Variants in FAM184A observed in about 807,000 individuals in gnomAD.
FAM184A encodes the protein protein FAM184A.
In FAM184A, 99 loss-of-function variants were observed where a neutral mutation model predicts 143.8. The observed-to-expected ratio is 0.69, with a 90% confidence interval of 0.58 to 0.81. The LOEUF (loss-of-function observed/expected upper bound fraction) is 0.81, where lower values mean the gene tolerates loss of function less well. Ranked by LOEUF, FAM184A falls within the 40% of genes least tolerant of loss-of-function variation. FAM184A has a pLI of 0.00. For synonymous variants in FAM184A, 427 were observed against 446.4 expected, an observed-to-expected ratio of 0.96 and a Z score of 0.55; for missense variants, 1,217 against 1,310.5, an observed-to-expected ratio of 0.93 and a Z score of 1.10.
chr6:119,050,061 C>A (rs1562128127), intron 1 of FAM184A, among the ~76,000 whole-genome samples: 2 of 152,176 alleles, frequency 1.3e-5, no homozygotes, highest in Admixed American at 1.3e-4. Context: ...ATGCAGTGAA[C>A]CAGCATACGA....
chr6:119,126,104 CA>C (rs1176438728), intron 1 of FAM184A, among the ~76,000 whole-genome samples: 1 of 152,140 alleles, frequency 6.6e-6, no homozygotes, highest in Non-Finnish European at 1.5e-5. Context: ...TGGGGTCATC[CA>C]AAGTTATTCA....
intron 1 of FAM184A, among the ~76,000 whole-genome samples, chr6:119,134,956 A>G (rs772143782): frequency 3.3e-5 from 5 of 152,248 alleles, no homozygotes; most frequent in Non-Finnish European, 7.3e-5. Flanking sequence ...TGCATTTTGC[A>G]TATTGGAGAG....
chr6:119,007,006 A>G (rs537576578), intron 6 of FAM184A, among the ~76,000 whole-genome samples: 26 of 152,206 alleles, frequency 1.7e-4, no homozygotes, highest in Non-Finnish European at 3.1e-4. Context: ...ATTTGAGTCC[A>G]TATCTCCTGC....
chr6:119,016,273 T>C lies in FAM184A; in HGVS notation c.1530+474A>G, dbSNP rs1026872446. On this transcript the variant is annotated intron_variant, in intron 5 of 17. Transcript: ENST00000338891. The stretch of plus-strand genomic sequence containing the variant: ...TAAAAGCAGGCTGCCCGAGCCAGCA[T>C]TGACAACCCGCTCGGGTCCCCTTCC... Among the ~76,000 whole-genome samples, 19 of 152,286 alleles carry C rather than the reference T, an allele frequency of 1.2e-4. 1 individual carries two copies. The highest frequency in any genetic ancestry group is 4.3e-4 in the African/African-American group (18 of 41,548).
Position 119,011,399 on chromosome 6 carries a change from T to G in FAM184A, c.1563A>C (p.Leu521=). ...DLEEQHNKDK[L]NLEEDKNQLQ... ...GCTGATTTTTATCCTCTTCCAGGTT[T>G]AGTTTATCTTTGTTATGTTGTTCTT... Residue 521 remains leucine, a synonymous_variant, in exon 6 of 18, where the codon CTA becomes CTC. Coordinates refer to ENST00000338891, the MANE Select transcript of FAM184A (RefSeq NM_024581.6). 6.4e-7 allele frequency: 1 copy of G among 1,565,310 alleles called. No homozygotes were observed.
chr6:119,035,068 T>A (rs1040322669), intron 1 of FAM184A, among the ~76,000 whole-genome samples: 2 of 152,156 alleles, frequency 1.3e-5, no homozygotes, highest in African/African-American at 4.8e-5. Context: ...AGAATTAGAC[T>A]GTTCACAACT....
At chr6:119,002,425 T>C (rs1008686168) in intron 9 of FAM184A, among the ~76,000 whole-genome samples, 1 of 152,140 alleles carries the variant, frequency 6.6e-6, no homozygotes, top group Non-Finnish European at 1.5e-5. Context: ...CCACCTTTTG[T>C]TTATGTTATA....
At position 118,974,537 on chromosome 6, in the gene FAM184A, C is replaced by G. The variant is rs1783790992; in HGVS notation, c.2806G>C (p.Glu936Gln). Residue 936 changes from glutamate to glutamine, a missense_variant, in exon 14 of 18, where the codon GAG becomes CAG. Glu to Gln is a conservative substitution (Grantham distance 29, BLOSUM62 2). Transcript: ENST00000338891. ...TGGTCTGCTGTCATGACATCCAACT[C>G]TTTTTCAAGTCTCTTGTTTAAATCT... Reference protein sequence around the residue: ...EQDLNKRLEKELDVMTADHLR... With the variant: ...EQDLNKRLEKQLDVMTADHLR... 5 of 1,609,450 alleles carry G rather than the reference C, an allele frequency of 3.1e-6. No individual in the cohort carries two copies. The Admixed American group carries it at 5.1e-5, about 16-fold the overall frequency.
intron 11 of FAM184A, among the ~76,000 whole-genome samples, chr6:118,976,479 A>G (rs1014073946): frequency 6.6e-6 from 1 of 152,080 alleles, no homozygotes; most frequent in African/African-American, 2.4e-5. Context: ...CCTGATCAAC[A>G]TGGTGAAACC....
At chr6:119,007,706 C>T (rs756349205) in intron 6 of FAM184A, among the ~76,000 whole-genome samples, 4 of 152,054 alleles carry the variant, frequency 2.6e-5, no homozygotes, top group Non-Finnish European at 5.9e-5. Context: ...TTTGGGAGGC[C>T]GAGGCAGGCT....
intron 1 of FAM184A, among the ~76,000 whole-genome samples, chr6:119,070,832 C>T (rs536693866): frequency 5.9e-5 from 9 of 151,982 alleles, no homozygotes; most frequent in East Asian, 5.8e-4. Flanking sequence ...AATGGCGTTA[C>T]GAACTCCCGT....
rs1221580193 is a variant in FAM184A, at chr6:118,961,674, C to G, written c.3341+87G>C. Reference sequence around the variant, plus strand: ...TCATAGTAATTTTTCTTAGGTTGTTCTTAAAGTAGTGATTTCTGCAATGTA... The same window carrying G: ...TCATAGTAATTTTTCTTAGGTTGTTGTTAAAGTAGTGATTTCTGCAATGTA... On this transcript the variant is annotated intron_variant, in intron 17 of 17. Coordinates refer to ENST00000338891, the MANE Select transcript of FAM184A (RefSeq NM_024581.6). The G allele has an allele frequency of 4.6e-6, 5 of 1,083,920 alleles. No homozygotes were observed. The Admixed American group carries it at 6.4e-5, about 14-fold the overall frequency. The allele number at this position is 1,083,920 out of a possible 1,614,324, so 67.1% of individuals were successfully genotyped here.
At chr6:119,108,537 A>G (rs767491298) in intron 1 of FAM184A, among the ~76,000 whole-genome samples, 5 of 152,132 alleles carry the variant, frequency 3.3e-5, no homozygotes, top group Admixed American at 3.3e-4. Flanking sequence ...GTCACTCTTA[A>G]AAACTTTTTC....
chr6:119,048,695 T>G (rs191551753), intron 1 of FAM184A, among the ~76,000 whole-genome samples: 34 of 152,270 alleles, frequency 2.2e-4, no homozygotes, highest in Non-Finnish European at 1.0e-4. Context: ...CTCACTTATT[T>G]GTAGATCTAA....
intron 1 of FAM184A, among the ~76,000 whole-genome samples, chr6:119,108,306 G>C (rs1788842652): frequency 1.3e-5 from 2 of 152,070 alleles, no homozygotes; most frequent in South Asian, 4.2e-4. Context: ...AATGAGATTG[G>C]AGCACCTGTC....
intron 1 of FAM184A, among the ~76,000 whole-genome samples, chr6:119,086,728 G>A (rs1788233524): frequency 6.6e-6 from 1 of 152,206 alleles, no homozygotes; most frequent in South Asian, 2.1e-4. Context: ...ACGAGCCATT[G>A]GAGGGCTTTA....
intron 1 of FAM184A, among the ~76,000 whole-genome samples, chr6:119,093,138 C>T (rs1246188525): frequency 1.3e-5 from 2 of 152,152 alleles, no homozygotes; most frequent in African/African-American, 4.8e-5. Context: ...TTCATAGAGG[C>T]CACTGCCACT....
chr6:118,985,431 G>A (rs1393083662), intron 9 of FAM184A, among the ~76,000 whole-genome samples: 5 of 152,234 alleles, frequency 3.3e-5, no homozygotes, highest in African/African-American at 7.2e-5. Flanking sequence ...AGTACGCCAA[G>A]GGATTTAATG....
At chr6:119,056,530 A>C (rs1185427351) in intron 1 of FAM184A, among the ~76,000 whole-genome samples, 2 of 152,222 alleles carry the variant, frequency 1.3e-5, no homozygotes, top group African/African-American at 2.4e-5. Context: ...CATCAAATTT[A>C]CTGGCTACTA....
Sources: gnomAD v4.1 joint callset for allele counts (sites outside exome capture counted in the v4.1 genomes callset) on GRCh38, gnomAD v4.1.1 for gene constraint, MANE v1.5 for transcripts, NCBI Gene and HGNC (gene_info 2026-07-23, HGNC 2026-07-21) for gene names.